Variants in CPQ observed in about 807,000 individuals in gnomAD.
The protein encoded by CPQ is carboxypeptidase Q.
In CPQ, 37 loss-of-function variants were observed where a neutral mutation model predicts 45.7. That is an observed-to-expected ratio of 0.81 (90% CI 0.62 to 1.07). The LOEUF (loss-of-function observed/expected upper bound fraction) is 1.07, where lower values mean the gene tolerates loss of function less well. CPQ is among the 50% of genes least tolerant of loss of function. CPQ has a pLI of 0.00. For missense variants in CPQ, 537 were observed against 572.9 expected, an observed-to-expected ratio of 0.94 and a Z score of 0.64; for synonymous variants, 186 against 205.8, an observed-to-expected ratio of 0.90 and a Z score of 0.82.
intron 3 of CPQ, among the ~76,000 whole-genome samples, chr8:96,850,267 C>G (rs1010611164): frequency 6.6e-6 from 1 of 152,154 alleles, no homozygotes; most frequent in Admixed American, 6.5e-5. Context: ...TTGAGTTTTC[C>G]TTTCCTCAGC....
At chr8:97,095,089 C>T (rs574071874) in intron 7 of CPQ, among the ~76,000 whole-genome samples, 11 of 152,232 alleles carry the variant, frequency 7.2e-5, no homozygotes, top group South Asian at 4.1e-4. Flanking sequence ...CAGTCCCTTA[C>T]GTGTTAGTAT....
chr8:96,951,408 C>T (rs756667512), intron 4 of CPQ, among the ~76,000 whole-genome samples: 3 of 152,098 alleles, frequency 2.0e-5, no homozygotes, highest in Non-Finnish European at 2.9e-5. Flanking sequence ...ATGCAATTTA[C>T]ATTCTTAAAA....
intron 5 of CPQ, among the ~76,000 whole-genome samples, chr8:96,987,831 T>C (rs532718453): frequency 1.3e-5 from 2 of 152,208 alleles, no homozygotes; most frequent in South Asian, 2.1e-4. Context: ...TAATAATTTT[T>C]TCAAGCGGAG....
At chr8:97,074,072 AAG>A (rs1810801506) in intron 7 of CPQ, among the ~76,000 whole-genome samples, 1 of 152,220 alleles carries the variant, frequency 6.6e-6, no homozygotes, top group Admixed American at 6.5e-5. Flanking sequence ...CAAGTAGGAG[AAG>A]AGCAAATTGT....
chr8:96,968,090 C>A (rs956769796), intron 5 of CPQ, among the ~76,000 whole-genome samples: 1 of 152,088 alleles, frequency 6.6e-6, no homozygotes, highest in African/African-American at 2.4e-5. Context: ...TTAGTGATTG[C>A]TTTGCCTCCT....
At chr8:96,838,347 G>C (rs1431531394) in intron 3 of CPQ, among the ~76,000 whole-genome samples, 1 of 152,060 alleles carries the variant, frequency 6.6e-6, no homozygotes, top group Non-Finnish European at 1.5e-5. Context: ...TCCATCTGTG[G>C]CTCTATCATT....
intron 5 of CPQ, among the ~76,000 whole-genome samples, chr8:97,008,011 A>C (rs1209240793): frequency 1.3e-5 from 2 of 152,212 alleles, no homozygotes; most frequent in African/African-American, 2.4e-5. Context: ...AAATGAATAA[A>C]TCAACATGCT....
At chr8:97,046,996 G>A (rs994167679) in intron 6 of CPQ, among the ~76,000 whole-genome samples, 1 of 151,974 alleles carries the variant, frequency 6.6e-6, no homozygotes, top group Admixed American at 6.6e-5. Context: ...TGTTTTGATA[G>A]ATTTACAGAG....
At chr8:97,141,629 C>A (rs1169750555) in intron 7 of CPQ, among the ~76,000 whole-genome samples, 2 of 152,102 alleles carry the variant, frequency 1.3e-5, no homozygotes, top group East Asian at 1.9e-4. Context: ...TAAAATTGAA[C>A]ACACACATAC....
chr8:96,846,118 T>A (rs1811685881), intron 3 of CPQ, among the ~76,000 whole-genome samples: 1 of 152,170 alleles, frequency 6.6e-6, no homozygotes, highest in Non-Finnish European at 1.5e-5. Context: ...GCGCCCAGCC[T>A]CCTAACTTTT....
At chr8:96,775,075 C>T (rs916617371) in intron 1 of CPQ, among the ~76,000 whole-genome samples, 1 of 152,162 alleles carries the variant, frequency 6.6e-6, no homozygotes, top group African/African-American at 2.4e-5. Context: ...AGAAACATAA[C>T]CACTTTCTTG....
chr8:96,919,208 T>A (rs1812775032), intron 4 of CPQ, among the ~76,000 whole-genome samples: 1 of 152,058 alleles, frequency 6.6e-6, no homozygotes, highest in South Asian at 2.1e-4. Flanking sequence ...TGAAGTCCCA[T>A]ACCTGGTCTA....
At chr8:97,039,077 T>C (rs920776833) in intron 6 of CPQ, among the ~76,000 whole-genome samples, 1 of 152,160 alleles carries the variant, frequency 6.6e-6, no homozygotes, top group Non-Finnish European at 1.5e-5. Flanking sequence ...TGTTTCCCTG[T>C]AGGTATTTGG....
chr8:96,645,953 A>T (rs1746190867), intron 1 of CPQ, among the ~76,000 whole-genome samples: 1 of 151,010 alleles, frequency 6.6e-6, no homozygotes, highest in Non-Finnish European at 1.5e-5. Flanking sequence ...AGAGCTACTC[A>T]ATAAGTAATT....
intron 4 of CPQ, among the ~76,000 whole-genome samples, chr8:96,885,941 A>C (rs1352558959): frequency 6.6e-6 from 1 of 151,868 alleles, no homozygotes; most frequent in Non-Finnish European, 1.5e-5. Context: ...GCACCACTGC[A>C]CTCCAGCCTG....
At chr8:97,086,576 T>C (rs1811044076) in intron 7 of CPQ, among the ~76,000 whole-genome samples, 1 of 152,158 alleles carries the variant, frequency 6.6e-6, no homozygotes, top group Admixed American at 6.6e-5. Flanking sequence ...TATTAGCTCA[T>C]ATAGGCTTTA....
intron 3 of CPQ, among the ~76,000 whole-genome samples, chr8:96,836,920 T>G (rs1012609037): frequency 2.0e-5 from 3 of 152,160 alleles, no homozygotes; most frequent in Non-Finnish European, 4.4e-5. Context: ...GATTATAATG[T>G]TTCACTGATT....
At chr8:97,126,216 A>G (rs1318607688) in intron 7 of CPQ, among the ~76,000 whole-genome samples, 1 of 152,216 alleles carries the variant, frequency 6.6e-6, no homozygotes, top group Non-Finnish European at 1.5e-5. Flanking sequence ...CACAATATAT[A>G]CACGTCTTCT....
intron 4 of CPQ, among the ~76,000 whole-genome samples, chr8:96,883,776 A>G (rs1812262625): frequency 3.9e-5 from 6 of 152,090 alleles, no homozygotes; most frequent in Non-Finnish European, 2.9e-5. Flanking sequence ...CCTCATCCCA[A>G]CACTTCATGC....
Sources: allele counts gnomAD v4.1 joint callset (sites outside exome capture counted in the v4.1 genomes callset), GRCh38; gene constraint gnomAD v4.1.1; transcripts MANE v1.5; gene names NCBI Gene and HGNC (gene_info 2026-07-23, HGNC 2026-07-21).